DMXL1: variants seen among roughly 807,000 people sequenced by gnomAD.
DMXL1 encodes dmX-like protein 1.
A neutral mutation model predicts 319.2 loss-of-function variants in DMXL1; 99 were observed. The observed-to-expected ratio is 0.31, with a 90% CI of 0.26 to 0.37. DMXL1 has a LOEUF of 0.37. DMXL1 is among the 10% of genes least tolerant of loss of function. The pLI is 1.00. For synonymous variants in DMXL1, 1,385 were observed against 1,235.2 expected (o/e 1.12, Z -2.54); for missense variants, 3,745 against 3,595.6 (o/e 1.04, Z -1.06).
intron 26 of DMXL1, among the ~76,000 whole-genome samples, chr5:119,175,758 G>A (rs1384041540): frequency 6.6e-6 from 1 of 152,062 alleles, no homozygotes; most frequent in Non-Finnish European, 1.5e-5. Context: ...ATGGGAGGGA[G>A]TAACTTGGAA....
At chr5:119,138,596 T>C (rs553921626) in intron 13 of DMXL1, among the ~76,000 whole-genome samples, 10 of 152,156 alleles carry the variant, frequency 6.6e-5, no homozygotes, top group Non-Finnish European at 1.2e-4. Context: ...CCCAGCACTT[T>C]TGGAGGCCGT....
rs144302945 is a variant in DMXL1, at chr5:119,188,836, C to T, written c.7136-872C>T. On this transcript the variant is annotated intron_variant, in intron 28 of 43. Transcript: ENST00000539542. ...TGCATGATGTGTCTGCAAGCTGAGACGCTTCAAACAATAAAACCAAATTGT... is the reference window on the plus strand; with the variant it reads ...TGCATGATGTGTCTGCAAGCTGAGATGCTTCAAACAATAAAACCAAATTGT... Among the ~76,000 whole-genome samples the T allele has an allele frequency of 1.3e-3, 191 of 152,298 alleles. 1 individual carries two copies. The highest frequency in any genetic ancestry group is 2.7e-3 in the African/African-American group (114 of 41,552).
chr5:119,098,995 T>C (rs1303425116), intron 2 of DMXL1, among the ~76,000 whole-genome samples: 1 of 152,208 alleles, frequency 6.6e-6, no homozygotes, highest in Non-Finnish European at 1.5e-5. Context: ...ATATTAATTA[T>C]AAAACGAGTT....
At chr5:119,186,063 G>T (rs1045388867) in intron 28 of DMXL1, among the ~76,000 whole-genome samples, 1 of 152,186 alleles carries the variant, frequency 6.6e-6, no homozygotes, top group African/African-American at 2.4e-5. Context: ...CTGAAAGCAA[G>T]AAATAAATTT....
intron 21 of DMXL1, among the ~76,000 whole-genome samples, chr5:119,166,273 C>A (rs1211235091): frequency 6.6e-6 from 1 of 152,102 alleles, no homozygotes; most frequent in Non-Finnish European, 1.5e-5. Context: ...TCTCTTAGGT[C>A]ATTCTCAGAT....
intron 34 of DMXL1, among the ~76,000 whole-genome samples, chr5:119,213,605 A>G (rs917310199): frequency 1.8e-4 from 28 of 152,230 alleles, no homozygotes; most frequent in African/African-American, 6.8e-4. Flanking sequence ...GATTTAAACA[A>G]TAATGTTGAA....
At chr5:119,086,353 A>G (rs1210215480) in intron 1 of DMXL1, among the ~76,000 whole-genome samples, 1 of 152,202 alleles carries the variant, frequency 6.6e-6, no homozygotes, top group Admixed American at 6.5e-5. Flanking sequence ...GAGCCAAACC[A>G]TATCACATAT....
chr5:119,129,188 TTTATC>T lies in DMXL1; in HGVS notation c.1103-20_1103-16del, dbSNP rs748383835. 16 of 1,481,914 alleles carry T rather than the reference TTTATC, an allele frequency of 1.1e-5. No individual in the cohort carries two copies. The African/African-American group carries it at 2.0e-4, about 18-fold the overall frequency. The allele number at this position is 1,481,914 out of a possible 1,614,324, so 91.8% of individuals were successfully genotyped here. On this transcript the variant is annotated intron_variant, in intron 9 of 43. Coordinates refer to ENST00000539542, the MANE Select transcript of DMXL1 (RefSeq NM_001290321.3). ...TATGCTAGAAGGTAAAAATTTTAAT[TTTATC>T]TTTTTTTTCTCTTATAGACATTCCA...
chr5:119,230,417 A>G (rs1484472841), intron 38 of DMXL1, among the ~76,000 whole-genome samples: 1 of 152,256 alleles, frequency 6.6e-6, no homozygotes, highest in Non-Finnish European at 1.5e-5. Flanking sequence ...TGCGTTAGAT[A>G]TAATTATTAA....
chr5:119,210,757 G>GTTTTTTTTTTTTTTTTTTTTTCTTTT, intron 34 of DMXL1, among the ~76,000 whole-genome samples: 5 of 89,776 alleles, frequency 5.6e-5, no homozygotes, highest in African/African-American at 1.2e-4. Context: ...TTTTTCTTTC[G>GTTTTTTTTTTTTTTTTTTTTTCTTTT]TTTTTTTTTT....
At position 119,186,146 on chromosome 5, in the gene DMXL1, A is replaced by C. The variant is rs185439288; in HGVS notation, c.7136-3562A>C. Among the ~76,000 whole-genome samples, 4 of 152,326 alleles carry C rather than the reference A, an allele frequency of 2.6e-5. No individual in the cohort carries two copies. The East Asian group carries it at 7.7e-4, about 29-fold the overall frequency. On this transcript the variant is annotated intron_variant, in intron 28 of 43. Transcript: ENST00000539542. Reference sequence around the variant, plus strand: ...TGGGGGGCTCAGTTAGAAGGTCCAGACTAATGTGCCTCCTGAAGCTTCGTG... The same window carrying C: ...TGGGGGGCTCAGTTAGAAGGTCCAGCCTAATGTGCCTCCTGAAGCTTCGTG...
chr5:119,243,948 T>G (rs893381210), intron 42 of DMXL1, among the ~76,000 whole-genome samples: 7 of 152,232 alleles, frequency 4.6e-5, no homozygotes, highest in African/African-American at 1.7e-4. Context: ...CAGGGACAAC[T>G]TACTTGGAAA....
intron 34 of DMXL1, among the ~76,000 whole-genome samples, chr5:119,215,515 T>G (rs971011001): frequency 1.3e-5 from 2 of 151,986 alleles, no homozygotes; most frequent in African/African-American, 4.8e-5. Flanking sequence ...TTAATTTTTG[T>G]AATTTTAGTA....
At chr5:119,191,709 C>A (rs1057091129) in intron 29 of DMXL1, among the ~76,000 whole-genome samples, 14 of 152,124 alleles carry the variant, frequency 9.2e-5, no homozygotes, top group African/African-American at 3.4e-4. Flanking sequence ...ATCTCTGTTG[C>A]TTTTGATAAT....
At chr5:119,240,609 T>C (rs745993947) in intron 42 of DMXL1, 138 bp downstream of exon 42, 23 of 628,306 alleles carry the variant, frequency 3.7e-5, no homozygotes, top group Non-Finnish European at 6.0e-5. Flanking sequence ...TGGCAGGATT[T>C]GAAAGCAAAA....
chr5:119,141,674 C>G (rs1767377114), intron 13 of DMXL1, among the ~76,000 whole-genome samples: 1 of 152,134 alleles, frequency 6.6e-6, no homozygotes. Context: ...AATGACCATA[C>G]TGCCCAAAGT....
At chr5:119,211,370 A>T (rs1308587454) in intron 34 of DMXL1, among the ~76,000 whole-genome samples, 7 of 152,190 alleles carry the variant, frequency 4.6e-5, no homozygotes. Flanking sequence ...GAAGTTTTTT[A>T]AATGACAAAT....
chr5:119,072,637 T>C (rs999185599), intron 1 of DMXL1, among the ~76,000 whole-genome samples: 3 of 152,248 alleles, frequency 2.0e-5, no homozygotes, highest in East Asian at 1.9e-4. Context: ...CTAATCTTTT[T>C]CTCTGCTTTT....
chr5:119,132,969 AAG>A, intron 10 of DMXL1, 161 bp from the exon 11 acceptor site: 1 of 660,696 alleles, frequency 1.5e-6, no homozygotes, highest in Admixed American at 2.8e-5. Flanking sequence ...AATACGGATA[AAG>A]AGATGTGTAG....
Sources: gnomAD v4.1 joint callset for allele counts (sites outside exome capture counted in the v4.1 genomes callset) on GRCh38, gnomAD v4.1.1 for gene constraint, MANE v1.5 for transcripts, NCBI Gene and HGNC (gene_info 2026-07-23, HGNC 2026-07-21) for gene names.